Variants in RIT2 observed in about 807,000 individuals in gnomAD.
The protein encoded by RIT2 is Ras like without CAAX 2, also known as GTP-binding protein Rit2.
RIT2 carries 24 observed loss-of-function variants against 23.7 expected under a neutral mutation model. That is an observed-to-expected ratio of 1.01 (90% CI 0.73 to 1.43). RIT2 has a LOEUF of 1.43. Ranked by LOEUF, RIT2 falls within the 40% of genes most tolerant of loss-of-function variation. The pLI is 0.00. For missense variants in RIT2, 236 were observed against 266.9 expected, an observed-to-expected ratio of 0.88 and a Z score of 0.81; for synonymous variants, 107 against 91.1, an observed-to-expected ratio of 1.17 and a Z score of -0.99.
intron 1 of RIT2, among the ~76,000 whole-genome samples, chr18:43,051,619 T>C (rs1568067662): frequency 6.6e-6 from 1 of 152,102 alleles, no homozygotes; most frequent in Non-Finnish European, 1.5e-5. Flanking sequence ...CTTAAATGTA[T>C]TTAAAAAATT....
At chr18:43,011,200 G>A (rs996041671) in intron 2 of RIT2, among the ~76,000 whole-genome samples, 4 of 151,756 alleles carry the variant, frequency 2.6e-5, no homozygotes, top group African/African-American at 4.8e-5. Context: ...CAGATCCAGT[G>A]TGGTGGTGTG....
intron 2 of RIT2, among the ~76,000 whole-genome samples, chr18:43,022,973 C>G (rs991052256): frequency 6.6e-6 from 1 of 151,992 alleles, no homozygotes; most frequent in African/African-American, 2.4e-5. Flanking sequence ...AAATCATAGT[C>G]TATTTTGGAG....
At chr18:42,769,958 GAGTTGGAAGA>G in intron 4 of RIT2, among the ~76,000 whole-genome samples, 2 of 151,858 alleles carry the variant, frequency 1.3e-5, no homozygotes, top group African/African-American at 4.8e-5. Flanking sequence ...GTGTCACAGT[GAGTTGGAAGA>G]ACTCCAATAT....
At chr18:42,922,467 C>G (rs1909077659) in intron 4 of RIT2, among the ~76,000 whole-genome samples, 1 of 152,064 alleles carries the variant, frequency 6.6e-6, no homozygotes, top group South Asian at 2.1e-4. Flanking sequence ...CAATTTATAA[C>G]AAAGCAACTC....
At chr18:42,825,625 CTAA>C (rs1906273454) in intron 4 of RIT2, among the ~76,000 whole-genome samples, 1 of 151,704 alleles carries the variant, frequency 6.6e-6, no homozygotes, top group South Asian at 2.1e-4. Context: ...CAAATCAATT[CTAA>C]TAATATATAA....
At chr18:43,002,285 T>C (rs1911124646) in intron 2 of RIT2, among the ~76,000 whole-genome samples, 3 of 151,928 alleles carry the variant, frequency 2.0e-5, no homozygotes. Flanking sequence ...CACTTTCTTC[T>C]GCCTGCTTTT....
chr18:42,798,570 T>C (rs72903088), intron 4 of RIT2, among the ~76,000 whole-genome samples: 15,590 of 152,276 alleles, frequency 0.1, 1,055 homozygotes, highest in South Asian at 0.18. Context: ...AGAAATTAAA[T>C]TGGAAAGATA....
At chr18:43,024,356 G>A (rs1431610800) in intron 2 of RIT2, among the ~76,000 whole-genome samples, 1 of 152,046 alleles carries the variant, frequency 6.6e-6, no homozygotes, top group Non-Finnish European at 1.5e-5. Context: ...ATTGTCATAT[G>A]CAGAATAATG....
chr18:42,837,668 C>A (rs1906654831), intron 4 of RIT2, among the ~76,000 whole-genome samples: 1 of 152,098 alleles, frequency 6.6e-6, no homozygotes, highest in Non-Finnish European at 1.5e-5. Context: ...AACTACATGA[C>A]AGGAAGATGA....
At chr18:42,978,513 T>C (rs1163768133) in intron 2 of RIT2, among the ~76,000 whole-genome samples, 6 of 152,032 alleles carry the variant, frequency 3.9e-5, no homozygotes, top group African/African-American at 1.4e-4. Flanking sequence ...ATATAAACAC[T>C]TCCCTGAATT....
intron 4 of RIT2, among the ~76,000 whole-genome samples, chr18:42,808,362 C>T (rs989633704): frequency 1.3e-5 from 2 of 151,962 alleles, no homozygotes; most frequent in African/African-American, 4.8e-5. Flanking sequence ...TGCACTCATG[C>T]AAAAAATACA....
At chr18:42,968,072 A>G (rs1441873225) in intron 3 of RIT2, among the ~76,000 whole-genome samples, 1 of 152,144 alleles carries the variant, frequency 6.6e-6, no homozygotes, top group African/African-American at 2.4e-5. Context: ...CAATGTAAGA[A>G]TTTTATTTTA....
intron 1 of RIT2, among the ~76,000 whole-genome samples, chr18:43,114,725 C>T (rs79220669): frequency 0.024 from 3,680 of 151,702 alleles, 112 homozygotes; most frequent in African/African-American, 0.074. Context: ...ACTGACACTT[C>T]CGTTCTTTAT....
intron 4 of RIT2, among the ~76,000 whole-genome samples, chr18:42,836,348 C>T (rs2144016881): frequency 6.6e-6 from 1 of 152,154 alleles, no homozygotes; most frequent in African/African-American, 2.4e-5. Context: ...AAGGAAATGA[C>T]ACAGAGTGGG....
chr18:42,820,384 A>G (rs1201596814), intron 4 of RIT2, among the ~76,000 whole-genome samples: 1 of 152,084 alleles, frequency 6.6e-6, no homozygotes, highest in East Asian at 1.9e-4. Flanking sequence ...AAAAAAAGTG[A>G]ACTGAATTAT....
At chr18:43,037,380 AG>A (rs1912005675) in intron 1 of RIT2, among the ~76,000 whole-genome samples, 1 of 152,188 alleles carries the variant, frequency 6.6e-6, no homozygotes, top group Non-Finnish European at 1.5e-5. Flanking sequence ...GTCTGATCAA[AG>A]TTATAATCAC....
intron 4 of RIT2, among the ~76,000 whole-genome samples, chr18:42,866,829 A>G (rs546787826): frequency 6.6e-6 from 1 of 152,176 alleles, no homozygotes; most frequent in Non-Finnish European, 1.5e-5. Context: ...TTGTATTTAA[A>G]CATCTTTAGA....
chr18:42,812,448 G>C (rs925974196), intron 4 of RIT2, among the ~76,000 whole-genome samples: 2 of 152,032 alleles, frequency 1.3e-5, no homozygotes, highest in African/African-American at 4.8e-5. Flanking sequence ...AGCATAAACT[G>C]GTTCATATTG....
chr18:42,817,814 G>A (rs1296899832), intron 4 of RIT2, among the ~76,000 whole-genome samples: 1 of 151,964 alleles, frequency 6.6e-6, no homozygotes, highest in African/African-American at 2.4e-5. Flanking sequence ...TTTCAGAACT[G>A]TTGTTAAAAT....
Sources: allele counts gnomAD v4.1 joint callset (sites outside exome capture counted in the v4.1 genomes callset), GRCh38; gene constraint gnomAD v4.1.1; transcripts MANE v1.5; gene names NCBI Gene and HGNC (gene_info 2026-07-23, HGNC 2026-07-21).